ZNF33A: variants seen among roughly 807,000 people sequenced by gnomAD.
The protein encoded by ZNF33A is brain my041 protein.
In ZNF33A, 9 loss-of-function variants were observed where a neutral mutation model predicts 15.9. That is an observed-to-expected ratio of 0.57 (90% CI 0.34 to 0.99). The LOEUF (loss-of-function observed/expected upper bound fraction) is 0.99. ZNF33A is among the 50% of genes least tolerant of loss of function. The probability of loss-of-function intolerance (pLI) is 0.02; values close to 1 mark genes in which losing one functional copy is unlikely to be tolerated. For synonymous variants in ZNF33A, 294 were observed against 324.2 expected, an observed-to-expected ratio of 0.91 and a Z score of 1.00; for missense variants, 843 against 941.6, an observed-to-expected ratio of 0.90 and a Z score of 1.37.
intron 4 of ZNF33A, among the ~76,000 whole-genome samples, chr10:38,049,023 A>G (rs968050730): frequency 1.3e-5 from 2 of 152,174 alleles, no homozygotes; most frequent in Non-Finnish European, 2.9e-5. Context: ...ATTCTTGATT[A>G]TAAAGCAAAT....
Position 38,056,250 on chromosome 10 carries a change from C to A in ZNF33A, c.2126C>A (p.Thr709Lys). ...TTCTTCAGGCACAAATCATCACTCA[C>A]AGTACATCACAGGGCTCACACAGGA... ...GKFFRHKSSL[T>K]VHHRAHTGEK... The change falls in exon 5 of 5, where the codon ACA (threonine) becomes AAA (lysine). Residue 709 changes from threonine to lysine, a missense_variant. Transcript: ENST00000432900. 2.5e-6 allele frequency: 4 copies of A among 1,614,088 alleles called. No individual in the cohort carries two copies. Among genetic ancestry groups the A allele is most frequent in the East Asian group, 2.2e-5 (1 of 44,864 alleles).
chr10:38,040,259 C>T (rs1222935308), intron 4 of ZNF33A, among the ~76,000 whole-genome samples: 1 of 152,100 alleles, frequency 6.6e-6, no homozygotes, highest in Non-Finnish European at 1.5e-5. Flanking sequence ...ACTTTTGAAG[C>T]ATACCTGCTC....
At chr10:38,035,173 A>C (rs2065392292) in intron 4 of ZNF33A, among the ~76,000 whole-genome samples, 1 of 119,698 alleles carries the variant, frequency 8.4e-6, no homozygotes, top group Non-Finnish European at 1.6e-5. Context: ...GTTGGAGGGC[A>C]GTGGTGTGAT....
intron 2 of ZNF33A, among the ~76,000 whole-genome samples, chr10:38,015,263 A>G (rs1286390561): frequency 5.9e-5 from 9 of 151,914 alleles, no homozygotes; most frequent in Non-Finnish European, 1.0e-4. Context: ...ACTATATTAT[A>G]AATGTCTTTG....
Position 38,054,499 on chromosome 10 carries a change from A to C in ZNF33A, c.375A>C (p.Pro125=), listed in dbSNP as rs2066357679. 6.2e-7 allele frequency: 1 copy of C among 1,612,970 alleles called. No individual in the cohort carries two copies. The change falls in exon 5 of 5, where the codon CCA becomes CCC. Residue 125 remains proline, a synonymous_variant. Coordinates refer to ENST00000432900, the MANE Select transcript of ZNF33A (RefSeq NM_006954.2). ...TKEQGDVIGI[P]FNVDVSSFPS... is the part of the protein sequence containing the mutation. Reference sequence around the variant, plus strand: ...AACAAGGTGATGTAATAGGAATACCATTTAATGTGGATGTAAGTTCTTTTC... The same window carrying C: ...AACAAGGTGATGTAATAGGAATACCCTTTAATGTGGATGTAAGTTCTTTTC...
intron 4 of ZNF33A, among the ~76,000 whole-genome samples, chr10:38,024,875 C>G (rs1393509645): frequency 1.3e-5 from 2 of 152,206 alleles, no homozygotes; most frequent in Non-Finnish European, 2.9e-5. Flanking sequence ...CTAGCATACC[C>G]AGGCTGTATA....
rs2064577430 is a variant in ZNF33A at position 38,018,629 on chromosome 10, C to CTT, written c.250+1243_250+1244insTT. Among the ~76,000 whole-genome samples the CTT allele has an allele frequency of 2.6e-5, 4 of 152,182 alleles. No individual in the cohort carries two copies. In the South Asian group the frequency reaches 8.3e-4, roughly 32 times the overall value. Reference sequence around the variant, plus strand: ...GGCATGGCATAGGGCATAGAGAGCTCATTAAAGGCCTTGGTAGTTTTCCTT... The same window carrying CTT: ...GGCATGGCATAGGGCATAGAGAGCTCTTATTAAAGGCCTTGGTAGTTTTCCTT... On this transcript the variant is annotated intron_variant, in intron 4 of 4. Coordinates refer to ENST00000432900, the MANE Select transcript of ZNF33A (RefSeq NM_006954.2).
In ZNF33A at chr10:38,055,516, A is replaced by G. The variant is rs760438221; in HGVS notation, c.1392A>G (p.Thr464=). Reference sequence around the variant, plus strand: ...TTAAAGTACACCAGAGAACTCACACAGGTGAGAAACCTTTTGAATGTCTTG... The same window carrying G: ...TTAAAGTACACCAGAGAACTCACACGGGTGAGAAACCTTTTGAATGTCTTG... ...SHLKVHQRTH[T]GEKPFECLEC... is the part of the protein sequence containing the mutation. The change falls in exon 5 of 5, where the codon ACA becomes ACG. Residue 464 remains threonine (T), a synonymous_variant. Transcript: ENST00000432900. 3 of 1,614,132 alleles carry G rather than the reference A, an allele frequency of 1.9e-6. No homozygotes were observed. The highest frequency in any genetic ancestry group is 1.1e-5 in the South Asian group (1 of 91,088).
At chr10:38,040,620 C>T (rs1222422407) in intron 4 of ZNF33A, among the ~76,000 whole-genome samples, 1 of 152,152 alleles carries the variant, frequency 6.6e-6, no homozygotes, top group African/African-American at 2.4e-5. Context: ...GATAGCTACT[C>T]CAGCCTTATA....
intron 4 of ZNF33A, among the ~76,000 whole-genome samples, chr10:38,023,367 A>T (rs569068544): frequency 6.6e-6 from 1 of 152,252 alleles, no homozygotes; most frequent in African/African-American, 2.4e-5. Flanking sequence ...AATCTTTAAC[A>T]AAATACTAGC....
intron 4 of ZNF33A, chr10:38,039,475 C>A (rs1046607047): frequency 2.2e-6 from 1 of 455,858 alleles, no homozygotes; most frequent in African/African-American, 2.0e-5. Flanking sequence ...GATCCACCTG[C>A]CTTGGCCTCC....
Position 38,056,176 on chromosome 10 carries a change from GAGAA to G in ZNF33A, c.2055_2058del (p.Arg685SerfsTer87), listed in dbSNP as rs763655272. On this transcript the variant is annotated frameshift_variant, in exon 5 of 5. Coordinates refer to ENST00000432900, the MANE Select transcript of ZNF33A (RefSeq NM_006954.2). LOFTEE classifies it low-confidence loss of function (END_TRUNC). ...TAAAATCAGGACTTATTTTCCATGA[GAGAA>G]AGCACACGGGGGAGAAACCCTATGA... 4.4e-5 allele frequency: 71 copies of G among 1,613,858 alleles called. No homozygotes were observed. Among genetic ancestry groups the G allele is most frequent in the Non-Finnish European group, 5.6e-5 (66 of 1,179,968 alleles).
chr10:38,064,368 C>T (rs1436396245), downstream of ZNF33A: 2 of 439,444 alleles, frequency 4.6e-6, no homozygotes, highest in African/African-American at 2.0e-5. Flanking sequence ...TCACCTGGGG[C>T]CCAGGGCTGA....
chr10:38,035,515 A>G (rs1191144431), intron 4 of ZNF33A, among the ~76,000 whole-genome samples: 1 of 152,228 alleles, frequency 6.6e-6, no homozygotes, highest in Non-Finnish European at 1.5e-5. Flanking sequence ...TTATAATTTT[A>G]TCAACTAAAA....
In ZNF33A at chr10:38,055,854, G is replaced by A. The variant is rs1289652173; in HGVS notation, c.1730G>A (p.Gly577Glu). The A allele has an allele frequency of 3.7e-6, 6 of 1,613,766 alleles. No individual in the cohort carries two copies. Among genetic ancestry groups the A allele is most frequent in the Non-Finnish European group, 5.1e-6 (6 of 1,179,962 alleles). Residue 577 changes from glycine (G) to glutamate (E), a missense_variant, in exon 5 of 5, where the codon GGG becomes GAG. Gly to Glu is a moderately conservative substitution (Grantham distance 98). Coordinates refer to ENST00000432900, the MANE Select transcript of ZNF33A (RefSeq NM_006954.2). ...TLSQHYRTHT[G>E]EKPYECHECG... ...TCTCAACATTATAGAACACACACAG[G>A]GGAGAAACCCTACGAATGTCATGAA...
intron 2 of ZNF33A, among the ~76,000 whole-genome samples, chr10:38,013,728 T>C (rs1464473713): frequency 6.6e-6 from 1 of 152,116 alleles, no homozygotes; most frequent in African/African-American, 2.4e-5. Context: ...AGTGCTAGGA[T>C]TGTGTATTTT....
At chr10:38,045,322 GCTCT>G (rs1208588435) in intron 4 of ZNF33A, among the ~76,000 whole-genome samples, 1 of 152,174 alleles carries the variant, frequency 6.6e-6, no homozygotes, top group Non-Finnish European at 1.5e-5. Flanking sequence ...TGTTAACAGT[GCTCT>G]CTGAGTGTCT....
intron 4 of ZNF33A, among the ~76,000 whole-genome samples, chr10:38,050,307 A>G: frequency 6.6e-6 from 1 of 152,156 alleles, no homozygotes; most frequent in Non-Finnish European, 1.5e-5. Context: ...TCATGACCAA[A>G]TGTGGTTAAT....
At chr10:38,033,534 G>A (rs1313504031) in intron 4 of ZNF33A, among the ~76,000 whole-genome samples, 1 of 152,100 alleles carries the variant, frequency 6.6e-6, no homozygotes, top group Non-Finnish European at 1.5e-5. Context: ...CTGCCTGATT[G>A]TTGCTCATAG....
Sources: allele counts gnomAD v4.1 joint callset (sites outside exome capture counted in the v4.1 genomes callset), GRCh38; gene constraint gnomAD v4.1.1; transcripts MANE v1.5; gene names NCBI Gene and HGNC (gene_info 2026-07-23, HGNC 2026-07-21).